The following SORCS1 variants were observed in gnomAD, a reference collection of about 807,000 sequenced individuals.
The protein encoded by SORCS1 is sortilin related VPS10 domain containing receptor 1.
Under a neutral mutation model 146.1 loss-of-function variants are expected in SORCS1, and 60 were observed. The ratio of observed to expected loss-of-function variants is 0.41; its 90% CI spans 0.33 to 0.51. SORCS1 has a LOEUF of 0.51. Ranked by LOEUF, SORCS1 falls within the 20% of genes least tolerant of loss-of-function variation. The pLI is 0.21. For missense variants in SORCS1, 1,352 were observed against 1,487.6 expected (o/e 0.91, Z 1.50); for synonymous variants, 637 against 584.0 (o/e 1.09, Z -1.31).
chr10:106,830,353 T>C (rs1472030948), intron 2 of SORCS1, among the ~76,000 whole-genome samples: 5 of 152,196 alleles, frequency 3.3e-5, no homozygotes, highest in Non-Finnish European at 5.9e-5. Context: ...TTACCTTCTC[T>C]ATGAAGGTCT....
At chr10:106,877,420 A>C (rs76268421) in intron 2 of SORCS1, among the ~76,000 whole-genome samples, 1 of 126,410 alleles carries the variant, frequency 7.9e-6, no homozygotes, top group Non-Finnish European at 1.5e-5. Flanking sequence ...CTGTTTCTAC[A>C]AAAAAAAAAA....
chr10:106,670,090 T>G (rs556738866), intron 16 of SORCS1, among the ~76,000 whole-genome samples: 15 of 152,234 alleles, frequency 9.9e-5, no homozygotes, highest in Non-Finnish European at 1.9e-4. Flanking sequence ...ATGTACATAT[T>G]TAGCGATTGT....
intron 1 of SORCS1, among the ~76,000 whole-genome samples, chr10:107,094,871 T>C (rs1964441465): frequency 6.6e-6 from 1 of 152,198 alleles, no homozygotes; most frequent in Non-Finnish European, 1.5e-5. Context: ...CTCTTTGCAG[T>C]GAAAACCTTC....
At chr10:106,784,267 T>C (rs1447493330) in intron 3 of SORCS1, among the ~76,000 whole-genome samples, 1 of 151,706 alleles carries the variant, frequency 6.6e-6, no homozygotes, top group East Asian at 1.9e-4. Context: ...TGGTGGTGGG[T>C]GCCTGTAGTC....
rs149597679 is a variant in SORCS1, at chr10:106,603,753, T to C, written c.3165+3413A>G. 5.5e-3 allele frequency among the ~76,000 whole-genome samples: 844 copies of C among 152,288 alleles called. 6 individuals carry two copies. Among genetic ancestry groups the C allele is most frequent in the African/African-American group, 0.019 (798 of 41,550 alleles). ...TTCATTTCTGTTCTTTGGGTTTGCT[T>C]TGCATTTGTCTTAAATTTCTGTATA... On this transcript the variant is annotated intron_variant, in intron 23 of 25. Coordinates refer to ENST00000263054, the MANE Select transcript of SORCS1 (RefSeq NM_052918.5).
chr10:106,747,436 T>A (rs190552392), intron 5 of SORCS1, among the ~76,000 whole-genome samples: 1 of 152,332 alleles, frequency 6.6e-6, no homozygotes, highest in Non-Finnish European at 1.5e-5. Flanking sequence ...GTCTTCTAAG[T>A]TATCTTTGAT....
At chr10:106,641,467 T>G (rs1322380493) in intron 18 of SORCS1, among the ~76,000 whole-genome samples, 1 of 152,234 alleles carries the variant, frequency 6.6e-6, no homozygotes, top group South Asian at 2.1e-4. Context: ...GATATTCTTA[T>G]GCTAGAATTA....
At chr10:106,920,451 T>G (rs575208039) in intron 2 of SORCS1, among the ~76,000 whole-genome samples, 2 of 152,286 alleles carry the variant, frequency 1.3e-5, no homozygotes, top group African/African-American at 4.8e-5. Context: ...AATGTCCGGC[T>G]GAAGATAGTA....
At chr10:107,032,591 T>A (rs1200241557) in intron 1 of SORCS1, among the ~76,000 whole-genome samples, 1 of 152,092 alleles carries the variant, frequency 6.6e-6, no homozygotes, top group African/African-American at 2.4e-5. Flanking sequence ...AAGAGCTGAG[T>A]CACTTGCTAT....
chr10:106,918,102 G>A (rs145598384), intron 2 of SORCS1, among the ~76,000 whole-genome samples: 54 of 152,198 alleles, frequency 3.5e-4, no homozygotes, highest in African/African-American at 1.3e-3. Flanking sequence ...GTAAGAATAT[G>A]CACCTGTTTT....
At chr10:107,034,975 CATT>C (rs1156267365) in intron 1 of SORCS1, among the ~76,000 whole-genome samples, 1 of 151,970 alleles carries the variant, frequency 6.6e-6, no homozygotes, top group Non-Finnish European at 1.5e-5. Flanking sequence ...TCAATGTAAT[CATT>C]ATCCAGTTGA....
At chr10:107,109,543 G>A (rs1398669671) in intron 1 of SORCS1, among the ~76,000 whole-genome samples, 1 of 152,212 alleles carries the variant, frequency 6.6e-6, no homozygotes, top group Non-Finnish European at 1.5e-5. Context: ...GTACAGTGAG[G>A]CCCTGGGCCC....
intron 5 of SORCS1, among the ~76,000 whole-genome samples, chr10:106,749,167 A>G (rs979254861): frequency 6.6e-5 from 10 of 152,192 alleles, no homozygotes; most frequent in African/African-American, 2.2e-4. Context: ...TCATATTACA[A>G]TTCACCAATA....
intron 3 of SORCS1, among the ~76,000 whole-genome samples, chr10:106,815,023 G>A (rs1947666470): frequency 6.6e-6 from 1 of 151,292 alleles, no homozygotes; most frequent in African/African-American, 2.4e-5. Context: ...GCAGTGGCAT[G>A]ACTTCGGCTC....
intron 2 of SORCS1, among the ~76,000 whole-genome samples, chr10:106,951,129 A>T (rs538836921): frequency 6.6e-6 from 1 of 152,236 alleles, no homozygotes; most frequent in African/African-American, 2.4e-5. Flanking sequence ...TGCTTCAATA[A>T]CTTATTCAAT....
chr10:106,658,793 T>C (rs553268250), intron 17 of SORCS1, among the ~76,000 whole-genome samples: 24 of 152,336 alleles, frequency 1.6e-4, no homozygotes, highest in African/African-American at 5.3e-4. Context: ...TACGATGGCA[T>C]GGCTTAACAA....
intron 4 of SORCS1, among the ~76,000 whole-genome samples, chr10:106,764,251 T>A (rs537485977): frequency 6.6e-6 from 1 of 152,296 alleles, no homozygotes; most frequent in South Asian, 2.1e-4. Flanking sequence ...CTTCAGACAT[T>A]TTCTCCCTAA....
intron 1 of SORCS1, among the ~76,000 whole-genome samples, chr10:107,010,104 A>G (rs1285456525): frequency 3.9e-5 from 6 of 152,356 alleles, no homozygotes. Context: ...AAAATTAGTA[A>G]CAGTCATCCA....
chr10:107,124,969 T>C (rs1288982998), intron 1 of SORCS1, among the ~76,000 whole-genome samples: 13 of 149,188 alleles, frequency 8.7e-5, no homozygotes, highest in African/African-American at 3.0e-4. Context: ...TTTTTTTTTT[T>C]TTGAGATGGA....
Sources: gnomAD v4.1 joint callset for allele counts (sites outside exome capture counted in the v4.1 genomes callset) on GRCh38, gnomAD v4.1.1 for gene constraint, MANE v1.5 for transcripts, NCBI Gene and HGNC (gene_info 2026-07-23, HGNC 2026-07-21) for gene names.